Variants in NEBL observed in about 807,000 individuals in gnomAD.
NEBL encodes the protein LIM and SH3 protein 2.
Under a neutral mutation model 140.2 loss-of-function variants are expected in NEBL, and 122 were observed. That is an observed-to-expected ratio of 0.87 (90% CI 0.75 to 1.01). The LOEUF is 1.01. NEBL is among the 50% of genes least tolerant of loss of function. The pLI, the probability that NEBL is intolerant of heterozygous loss-of-function variation, is 0.00. For synonymous variants in NEBL, 436 were observed against 398.9 expected (o/e 1.09, Z -1.11); for missense variants, 1,365 against 1,231.3 (o/e 1.11, Z -1.62).
At chr10:21,222,456 T>C (rs1842083819) in intron 3 of NEBL, among the ~76,000 whole-genome samples, 1 of 152,222 alleles carries the variant, frequency 6.6e-6, no homozygotes, top group South Asian at 2.1e-4. Flanking sequence ...TTGTTCTGTG[T>C]TTTTGGTGTT....
At chr10:21,017,899 C>G (rs1391416082) in intron 3 of NEBL, among the ~76,000 whole-genome samples, 1 of 151,848 alleles carries the variant, frequency 6.6e-6, no homozygotes, top group Non-Finnish European at 1.5e-5. Flanking sequence ...TCTCGGCTCA[C>G]TGCAACCTCC....
At chr10:21,243,884 AAGAG>A (rs891862005) in intron 3 of NEBL, among the ~76,000 whole-genome samples, 13 of 149,736 alleles carry the variant, frequency 8.7e-5, no homozygotes, top group Admixed American at 3.3e-4. Context: ...CAAAAAAAGA[AAGAG>A]AGAGAGAGAG....
intron 3 of NEBL, among the ~76,000 whole-genome samples, chr10:21,194,511 T>C (rs1841620019): frequency 2.0e-5 from 3 of 152,184 alleles, no homozygotes. Flanking sequence ...CTTTAAAGAA[T>C]TATTTTGTAA....
chr10:20,839,897 G>C (rs1219509805), intron 13 of NEBL, among the ~76,000 whole-genome samples: 1 of 152,168 alleles, frequency 6.6e-6, no homozygotes, highest in Admixed American at 6.5e-5. Context: ...ATTGCATGGA[G>C]ACAGCCTTCC....
intron 4 of NEBL, among the ~76,000 whole-genome samples, chr10:20,935,393 T>C (rs1270723742): frequency 6.6e-6 from 1 of 152,198 alleles, no homozygotes; most frequent in Non-Finnish European, 1.5e-5. Flanking sequence ...AGCAGACGAT[T>C]ATCAGCATCT....
intron 1 of NEBL, among the ~76,000 whole-genome samples, chr10:21,281,569 C>G (rs1398154031): frequency 6.6e-6 from 1 of 151,932 alleles, no homozygotes; most frequent in Non-Finnish European, 1.5e-5. Context: ...AGTTCCCGCA[C>G]AGCCCCTCCC....
chr10:21,021,595 GT>G (rs1278725686), intron 2 of NEBL, among the ~76,000 whole-genome samples: 3 of 152,110 alleles, frequency 2.0e-5, no homozygotes, highest in Non-Finnish European at 2.9e-5. Context: ...TATAAACTGT[GT>G]TTATTTTTCA....
At chr10:21,217,462 T>G (rs369403820) in intron 3 of NEBL, among the ~76,000 whole-genome samples, 5 of 150,786 alleles carry the variant, frequency 3.3e-5, no homozygotes, top group African/African-American at 1.2e-4. Flanking sequence ...CTCTCCCAAA[T>G]ATTGCCAGGT....
intron 2 of NEBL, among the ~76,000 whole-genome samples, chr10:21,062,515 AAAAAAT>A (rs1158405572): frequency 1.3e-5 from 2 of 151,842 alleles, no homozygotes; most frequent in African/African-American, 2.4e-5. Flanking sequence ...ATTAAAAAAT[AAAAAAT>A]AAAAATAAAA....
chr10:20,948,873 T>C (rs1447883610), intron 4 of NEBL, among the ~76,000 whole-genome samples: 2 of 152,330 alleles, frequency 1.3e-5, no homozygotes, highest in Admixed American at 1.3e-4. Flanking sequence ...TAACACAGAC[T>C]GGGCCAAGAA....
chr10:20,935,287 TA>T (rs1292764331), intron 4 of NEBL, among the ~76,000 whole-genome samples: 3 of 152,214 alleles, frequency 2.0e-5, no homozygotes, highest in Non-Finnish European at 4.4e-5. Flanking sequence ...CATTTCTGGA[TA>T]AAAAATAACA....
In NEBL at chr10:20,880,669, A is replaced by G. The variant is rs553217155; in HGVS notation, c.480+125T>C. 92 of 764,672 alleles carry G rather than the reference A, an allele frequency of 1.2e-4. No homozygotes were observed. In the African/African-American group the frequency reaches 1.5e-3, roughly 12 times the overall value. 47.4% of individuals were successfully genotyped at this position (764,672 alleles called of 1,614,324 possible). On this transcript the variant is annotated intron_variant, in intron 5 of 27. Transcript: ENST00000377122. ...TAATTCAGATGTACCTCTGACTGAT[A>G]AGAAATATTAAAGTCTTTTTTGAAC...
At chr10:21,134,976 C>A (rs1184274018) in intron 2 of NEBL, among the ~76,000 whole-genome samples, 1 of 152,182 alleles carries the variant, frequency 6.6e-6, no homozygotes, top group Middle Eastern at 3.2e-3. Flanking sequence ...TTTTAAAAAA[C>A]CAGACATGGG....
At chr10:20,798,556 T>C (rs3781486) in intron 26 of NEBL, among the ~76,000 whole-genome samples, 36,756 of 152,160 alleles carry the variant, frequency 0.24, 5,146 homozygotes, top group East Asian at 0.42. Context: ...TTTCATTTGC[T>C]AATGTTCAAC....
chr10:20,938,529 C>T (rs553708783), intron 4 of NEBL, among the ~76,000 whole-genome samples: 26 of 152,228 alleles, frequency 1.7e-4, no homozygotes, highest in South Asian at 1.7e-3. Context: ...AAAATCAGAG[C>T]GCCTCTTCTC....
chr10:21,015,675 A>C (rs1180536658), intron 3 of NEBL, among the ~76,000 whole-genome samples: 1 of 151,914 alleles, frequency 6.6e-6, no homozygotes, highest in African/African-American at 2.4e-5. Context: ...TCATGCCCTA[A>C]TTTTTTATAA....
At chr10:21,199,571 G>A (rs1164845652) in intron 3 of NEBL, among the ~76,000 whole-genome samples, 1 of 152,224 alleles carries the variant, frequency 6.6e-6, no homozygotes, top group African/African-American at 2.4e-5. Context: ...CATGAACACA[G>A]CTCAAGGGTG....
rs922162768 is a variant in NEBL, at chr10:21,033,296, G to A, written c.165-13095C>T. 2.0e-5 allele frequency among the ~76,000 whole-genome samples: 3 copies of A among 152,084 alleles called. No homozygotes were observed. The South Asian group carries it at 6.2e-4, about 32-fold the overall frequency. On this transcript the variant is annotated intron_variant, in intron 2 of 6. Coordinates refer to the NEBL transcript ENST00000417816. ...AACAGAACATTAGAAGCACAAGAAG[G>A]ATCACATTCGATTCCTTTGATAAAG...
chr10:21,214,614 CAT>C (rs202012803), intron 3 of NEBL, among the ~76,000 whole-genome samples: 1,824 of 152,004 alleles, frequency 0.012, 39 homozygotes, highest in African/African-American at 0.041. Flanking sequence ...CATGCACACA[CAT>C]GCACACATAT....
Sources: gnomAD v4.1 joint callset for allele counts (sites outside exome capture counted in the v4.1 genomes callset) on GRCh38, gnomAD v4.1.1 for gene constraint, MANE v1.5 for transcripts, NCBI Gene and HGNC (gene_info 2026-07-23, HGNC 2026-07-21) for gene names.